The following PCBD2 variants were observed in gnomAD, a reference collection of about 807,000 sequenced individuals.
PCBD2 encodes pterin-4-alpha-carbinolamine dehydratase 2.
Under a neutral mutation model 16.4 loss-of-function variants are expected in PCBD2, and 12 were observed. The observed-to-expected ratio is 0.73, with a 90% CI of 0.47 to 1.19. PCBD2 has a LOEUF of 1.19. PCBD2 is among the 50% of genes most tolerant of loss of function. The probability of loss-of-function intolerance (pLI) is 0.00; values close to 1 mark genes in which losing one functional copy is unlikely to be tolerated. For missense variants in PCBD2, 138 were observed against 156.8 expected (o/e 0.88, Z 0.64); for synonymous variants, 58 against 61.8 (o/e 0.94, Z 0.29).
intron 1 of PCBD2, among the ~76,000 whole-genome samples, chr5:134,907,522 T>A (rs1750710836): frequency 6.6e-6 from 1 of 152,004 alleles, no homozygotes; most frequent in Non-Finnish European, 1.5e-5. Context: ...ATTACAGGCA[T>A]GAGCCACCAC....
chr5:134,932,785 A>G (rs1751114307), intron 2 of PCBD2, among the ~76,000 whole-genome samples: 2 of 152,148 alleles, frequency 1.3e-5, no homozygotes, highest in South Asian at 4.1e-4. Flanking sequence ...CACCTGGCCA[A>G]TTCGGAGTTT....
chr5:134,927,665 G>T, intron 2 of PCBD2: 1 of 398,212 alleles, frequency 2.5e-6, no homozygotes, highest in South Asian at 1.3e-4. Flanking sequence ...GGATAAGTGT[G>T]GTTTCGAAGA....
At chr5:134,924,195 C>T (rs1241076414) in intron 2 of PCBD2, 1 of 395,620 alleles carries the variant, frequency 2.5e-6, no homozygotes, top group East Asian at 3.6e-5. Flanking sequence ...TAAGCCTTCT[C>T]CTATTTATGG....
chr5:134,922,214 T>C (rs1467970928), intron 2 of PCBD2, among the ~76,000 whole-genome samples: 1 of 152,180 alleles, frequency 6.6e-6, no homozygotes, highest in African/African-American at 2.4e-5. Context: ...GTTTTTGTTT[T>C]GTTTTGTTTT....
At position 134,962,598 on chromosome 5, in the gene PCBD2, C is replaced by A. The variant is rs896233056; in HGVS notation, c.*1917C>A. Reference sequence around the variant, plus strand: ...TAAAGTTGATTTGGATTTTAGCTGCCGTTACTACTTATATAATTAATTAGA... The same window carrying A: ...TAAAGTTGATTTGGATTTTAGCTGCAGTTACTACTTATATAATTAATTAGA... On this transcript the variant is annotated 3_prime_UTR_variant, in exon 4 of 4. Transcript: ENST00000254908. Among the ~76,000 whole-genome samples the A allele has an allele frequency of 6.6e-6, 1 of 152,020 alleles. No homozygotes were observed. Among genetic ancestry groups the A allele is most frequent in the East Asian group, 1.9e-4 (1 of 5,192 alleles).
chr5:134,958,992 A>T, intron 2 of PCBD2, 48 bp from the exon 3 acceptor site: 1 of 1,451,144 alleles, frequency 6.9e-7, no homozygotes, highest in Non-Finnish European at 9.7e-7. Context: ...TCTCAGGCTT[A>T]GGGTAGAGGA....
chr5:134,923,972 A>G (rs78830300), intron 2 of PCBD2: 9 of 394,084 alleles, frequency 2.3e-5, no homozygotes, highest in Non-Finnish European at 2.2e-5. Context: ...ATGCGGAGAT[A>G]TTGGATGGGG....
chr5:134,924,440 G>GA (rs1237889249), intron 2 of PCBD2: 10 of 396,910 alleles, frequency 2.5e-5, no homozygotes, highest in African/African-American at 1.9e-4. Context: ...TGTTATGGGT[G>GA]AAAGAGTATG....
chr5:134,924,963 T>G, intron 2 of PCBD2: 2 of 392,516 alleles, frequency 5.1e-6, no homozygotes, highest in Non-Finnish European at 9.0e-6. Flanking sequence ...CTAGGGCTGT[T>G]AGAAGTCCTA....
intron 2 of PCBD2, chr5:134,925,753 G>C: frequency 2.5e-6 from 1 of 396,332 alleles, no homozygotes; most frequent in Non-Finnish European, 4.5e-6. Context: ...GCCTTCTATG[G>C]CTGAGGGGAG....
intron 2 of PCBD2, among the ~76,000 whole-genome samples, chr5:134,913,291 G>A (rs964479379): frequency 5.9e-5 from 9 of 152,174 alleles, no homozygotes; most frequent in Admixed American, 6.6e-5. Context: ...TGGAGTGGAG[G>A]GGGACAGAGG....
intron 2 of PCBD2, among the ~76,000 whole-genome samples, chr5:134,948,481 A>T (rs1357427746): frequency 1.3e-5 from 2 of 152,166 alleles, no homozygotes; most frequent in African/African-American, 4.8e-5. Context: ...CCTGGAGAAT[A>T]GTGGATTTAT....
intron 1 of PCBD2, among the ~76,000 whole-genome samples, chr5:134,909,320 C>G (rs572125485): frequency 6.6e-6 from 1 of 152,342 alleles, no homozygotes; most frequent in African/African-American, 2.4e-5. Context: ...GGCTTTTTAC[C>G]TGTAGTCCAG....
intron 2 of PCBD2, among the ~76,000 whole-genome samples, chr5:134,955,082 T>C (rs1451096100): frequency 6.6e-6 from 1 of 151,956 alleles, no homozygotes; most frequent in African/African-American, 2.4e-5. Flanking sequence ...TCTTTTTGAT[T>C]AGATGCCAAA....
At chr5:134,946,957 G>T (rs953295158) in intron 2 of PCBD2, among the ~76,000 whole-genome samples, 1 of 152,052 alleles carries the variant, frequency 6.6e-6, no homozygotes, top group African/African-American at 2.4e-5. Flanking sequence ...CAGTAATAGG[G>T]CAAGATAGTT....
intron 3 of PCBD2, among the ~76,000 whole-genome samples, chr5:134,960,196 C>T (rs1751459781): frequency 6.6e-6 from 1 of 151,988 alleles, no homozygotes; most frequent in African/African-American, 2.4e-5. Flanking sequence ...AACGTTGCTG[C>T]TAAGATATTA....
intron 2 of PCBD2, among the ~76,000 whole-genome samples, chr5:134,949,420 A>G (rs1751335066): frequency 6.6e-6 from 1 of 152,312 alleles, no homozygotes; most frequent in East Asian, 1.9e-4. Context: ...GGCATACTGT[A>G]AAGTATATTA....
Position 134,905,171 on chromosome 5 carries a change from C to G in PCBD2, c.32C>G (p.Thr11Arg). The change falls in exon 1 of 4, where the codon ACG becomes AGG. Residue 11 changes from threonine (T) to arginine (R), a missense_variant. Coordinates refer to ENST00000254908, the MANE Select transcript of PCBD2 (RefSeq NM_032151.5). MAAVLGALGA[T>R]RRLLAALRGQ... ...GCGGTGCTCGGGGCGCTCGGGGCGA[C>G]GCGGCGCTTGTTGGCGGCGCTGCGA... The G allele has an allele frequency of 8.2e-7, 1 of 1,223,044 alleles. No individual in the cohort carries two copies. The highest frequency in any genetic ancestry group is 1.0e-6 in the Non-Finnish European group (1 of 982,664). 75.8% of individuals were successfully genotyped at this position (1,223,044 alleles called of 1,614,324 possible).
At chr5:134,939,552 G>A (rs890172504) in intron 2 of PCBD2, among the ~76,000 whole-genome samples, 3 of 152,078 alleles carry the variant, frequency 2.0e-5, no homozygotes, top group African/African-American at 4.8e-5. Flanking sequence ...ATCCTGTGTA[G>A]CATCTACCAT....
Sources: gnomAD v4.1 joint callset for allele counts (sites outside exome capture counted in the v4.1 genomes callset) on GRCh38, gnomAD v4.1.1 for gene constraint, MANE v1.5 for transcripts, NCBI Gene and HGNC (gene_info 2026-07-23, HGNC 2026-07-21) for gene names.